The following OTUD7B variants were observed in gnomAD, a reference collection of about 807,000 sequenced individuals.
The protein encoded by OTUD7B is OTU domain-containing protein 7B.
OTUD7B carries 34 observed loss-of-function variants against 82.2 expected under a neutral mutation model. The ratio of observed to expected loss-of-function variants is 0.41; its 90% CI spans 0.31 to 0.55. The LOEUF is 0.55. OTUD7B is among the 20% of genes least tolerant of loss of function. The probability of loss-of-function intolerance (pLI) is 0.20; values close to 1 mark genes in which losing one functional copy is unlikely to be tolerated. For synonymous variants in OTUD7B, 398 were observed against 402.7 expected (o/e 0.99, Z 0.14); for missense variants, 944 against 1,062.1 (o/e 0.89, Z 1.55).
intron 1 of OTUD7B, among the ~76,000 whole-genome samples, chr1:149,995,311 G>A (rs1553783095): frequency 6.6e-6 from 1 of 152,004 alleles, no homozygotes. Flanking sequence ...CGGGCGCAGT[G>A]GCTCATGCCT....
chr1:150,021,002 A>C, the OTUD7B span, among the ~76,000 whole-genome samples: 2 of 152,076 alleles, frequency 1.3e-5, no homozygotes, highest in African/African-American at 4.8e-5. Flanking sequence ...CCATCCCCTT[A>C]CTTCTGTTGG....
intron 1 of OTUD7B, among the ~76,000 whole-genome samples, chr1:150,007,026 T>C (rs181823393): frequency 6.1e-4 from 93 of 152,306 alleles, no homozygotes; most frequent in Non-Finnish European, 1.0e-3. Flanking sequence ...AGAGTCTGGC[T>C]TCTGAGTCCC....
chr1:149,945,920 CGTGGTG>C (rs1647681544), intron 11 of OTUD7B, among the ~76,000 whole-genome samples: 1 of 151,558 alleles, frequency 6.6e-6, no homozygotes, highest in South Asian at 2.1e-4. Context: ...ATTAGCCGGA[CGTGGTG>C]GTGCATGTCT....
Position 149,959,695 on chromosome 1 carries a change from G to A in OTUD7B, c.834C>T (p.Ala278=). The A allele has an allele frequency of 6.2e-7, 1 of 1,609,794 alleles. No homozygotes were observed. Among genetic ancestry groups the A allele is most frequent in the Non-Finnish European group, 8.5e-7 (1 of 1,176,120 alleles). Residue 278 remains alanine (A), a synonymous_variant, in exon 7 of 12, where the codon GCC becomes GCT. Transcript: ENST00000581312. ...TTAGCCATACTTACCCACCACAGTT[G>A]GCTCCATTGGTACCTAGATGCATTC... is the stretch of plus-strand genomic sequence containing the variant. ...EPRMHLGTNG[A]NCGGVESSEE... is the part of the protein sequence containing the mutation.
At chr1:150,055,596 T>C in the OTUD7B span, among the ~76,000 whole-genome samples, 3 of 152,324 alleles carry the variant, frequency 2.0e-5, no homozygotes, top group South Asian at 2.1e-4. Flanking sequence ...CGAATGTTCA[T>C]TGCAGCACTG....
chr1:149,958,043 C>T (rs991592536), intron 7 of OTUD7B, among the ~76,000 whole-genome samples: 10 of 152,166 alleles, frequency 6.6e-5, no homozygotes, highest in African/African-American at 2.4e-4. Context: ...ACCCACTGTC[C>T]AACAAGCCCT....
intron 5 of OTUD7B, among the ~76,000 whole-genome samples, chr1:149,965,104 G>T (rs1649439262): frequency 6.6e-6 from 1 of 152,050 alleles, no homozygotes; most frequent in Non-Finnish European, 1.5e-5. Context: ...TGTTGGCCAG[G>T]CTGGTCTCAA....
upstream of OTUD7B, among the ~76,000 whole-genome samples, chr1:150,013,576 C>T (rs1404302801): frequency 1.3e-5 from 2 of 151,888 alleles, no homozygotes; most frequent in East Asian, 1.9e-4. Flanking sequence ...CTCAGACTGA[C>T]GCAGAATTCT....
At chr1:150,013,947 T>TATACAC (rs782181773), upstream of OTUD7B, among the ~76,000 whole-genome samples, 776 of 104,360 alleles carry the variant, frequency 7.4e-3, 6 homozygotes, top group South Asian at 0.013. Flanking sequence ...AATATATATA[T>TATACAC]ACACACACAC....
At chr1:150,050,150 C>G in the OTUD7B span, among the ~76,000 whole-genome samples, 1 of 151,750 alleles carries the variant, frequency 6.6e-6, no homozygotes, top group Non-Finnish European at 1.5e-5. Flanking sequence ...GCCATGATTG[C>G]GCCACTGTAC....
At chr1:150,052,816 C>CAAAAAA in the OTUD7B span, among the ~76,000 whole-genome samples, 1 of 9,448 alleles carries the variant, frequency 1.1e-4, no homozygotes, top group African/African-American at 1.7e-4. Flanking sequence ...CAAACGAAAA[C>CAAAAAA]AAAAAACAAA....
At chr1:149,951,551 G>A (rs782440938) in intron 7 of OTUD7B, among the ~76,000 whole-genome samples, 1 of 152,086 alleles carries the variant, frequency 6.6e-6, no homozygotes, top group Non-Finnish European at 1.5e-5. Flanking sequence ...GTTCAAATAC[G>A]GAGGGACAAA....
At chr1:149,972,117 T>C (rs1322384900) in intron 2 of OTUD7B, among the ~76,000 whole-genome samples, 2 of 152,208 alleles carry the variant, frequency 1.3e-5, no homozygotes, top group Non-Finnish European at 2.9e-5. Context: ...GCTTTGTATG[T>C]CCTGGCCTAC....
the OTUD7B span, among the ~76,000 whole-genome samples, chr1:150,044,235 T>C: frequency 6.6e-6 from 1 of 151,514 alleles, no homozygotes; most frequent in Non-Finnish European, 1.5e-5. Context: ...TGAGATGGAG[T>C]CTTGCTCCAT....
the OTUD7B span, among the ~76,000 whole-genome samples, chr1:150,058,635 C>A: frequency 1.3e-5 from 2 of 152,270 alleles, no homozygotes; most frequent in Admixed American, 1.3e-4. Context: ...TTAGCAAGAT[C>A]CACACTTGAT....
chr1:149,941,132 C>T lies in OTUD7B; in HGVS notation c.*2725G>A, dbSNP rs1214157566. ...TTTTTTTATTTGAAAATAAAGCAAACGGAATTGGGATTGGCTAACTTATAA... is the reference window on the plus strand; with the variant it reads ...TTTTTTTATTTGAAAATAAAGCAAATGGAATTGGGATTGGCTAACTTATAA... On this transcript the variant is annotated 3_prime_UTR_variant, in exon 12 of 12. Coordinates refer to ENST00000581312, the MANE Select transcript of OTUD7B (RefSeq NM_020205.4). 7 of 152,062 alleles carry T rather than the reference C, an allele frequency of 4.6e-5. No individual in the cohort carries two copies. Among genetic ancestry groups the T allele is most frequent in the African/African-American group, 7.2e-5 (3 of 41,394 alleles). The allele number at this position is 152,062 out of a possible 1,614,324, so 9.4% of individuals were successfully genotyped here.
At chr1:150,028,532 CA>C in the OTUD7B span, among the ~76,000 whole-genome samples, 1 of 152,100 alleles carries the variant, frequency 6.6e-6, no homozygotes, top group Non-Finnish European at 1.5e-5. Flanking sequence ...TCATGACCAC[CA>C]TCCAACTCCA....
At chr1:150,046,684 C>T in the OTUD7B span, among the ~76,000 whole-genome samples, 6 of 149,550 alleles carry the variant, frequency 4.0e-5, no homozygotes, top group African/African-American at 1.5e-4. Flanking sequence ...CTCCTAACCT[C>T]GTGATCCACC....
At chr1:150,056,150 T>C in the OTUD7B span, among the ~76,000 whole-genome samples, 1 of 152,218 alleles carries the variant, frequency 6.6e-6, no homozygotes, top group African/African-American at 2.4e-5. Flanking sequence ...TTACTTCATA[T>C]GGCTTGCCTG....
Sources: allele counts gnomAD v4.1 joint callset (sites outside exome capture counted in the v4.1 genomes callset), GRCh38; gene constraint gnomAD v4.1.1; transcripts MANE v1.5; gene names NCBI Gene and HGNC (gene_info 2026-07-23, HGNC 2026-07-21).